IGF2R: variants seen among roughly 807,000 people sequenced by gnomAD.
IGF2R encodes the protein insulin like growth factor 2 receptor, also known as cation-independent mannose-6-phosphate receptor.
A neutral mutation model predicts 270.6 loss-of-function variants in IGF2R; 91 were observed. The observed-to-expected ratio is 0.34, with a 90% CI of 0.28 to 0.40. IGF2R has a LOEUF of 0.40. Among genes scored for constraint, IGF2R ranks in the 10% least tolerant of loss-of-function variants. IGF2R has a pLI of 1.00. For synonymous variants in IGF2R, 1,316 were observed against 1,258.9 expected (o/e 1.05, Z -0.96); for missense variants, 2,805 against 3,188.3 (o/e 0.88, Z 2.90).
rs17847667 is a variant in IGF2R at position 160,104,509 on chromosome 6, C to G, written c.7066-165C>G. Among the ~76,000 whole-genome samples, 7 of 152,130 alleles carry G rather than the reference C, an allele frequency of 4.6e-5. No homozygotes were observed. In the East Asian group the frequency reaches 1.4e-3, roughly 29 times the overall value. ...TAGGAACAGGAAGGTGTTGCCAGCC[C>G]TCGTCTTCCTTTCCCTGGGAACTGG... On this transcript the variant is annotated intron_variant, in intron 47 of 47. Transcript: ENST00000356956.
chr6:159,997,906 G>A (rs1562337121), intron 2 of IGF2R, among the ~76,000 whole-genome samples: 1 of 152,228 alleles, frequency 6.6e-6, no homozygotes, highest in Non-Finnish European at 1.5e-5. Flanking sequence ...AGATAAGGGA[G>A]TGCGAGGTCT....
intron 18 of IGF2R, among the ~76,000 whole-genome samples, chr6:160,049,652 T>C (rs901325911): frequency 1.3e-5 from 2 of 152,216 alleles, no homozygotes; most frequent in Non-Finnish European, 2.9e-5. Flanking sequence ...TAAAGCCTTT[T>C]CAAACATGAC....
In IGF2R at chr6:160,107,452, A is replaced by G. The variant is rs1245826696; in HGVS notation, c.*2368A>G. On this transcript the variant is annotated 3_prime_UTR_variant, in exon 48 of 48. Transcript: ENST00000356956. Reference sequence around the variant, plus strand: ...CTTAGAAACCCAAGCCTCTGAAAAAAGAGTAACTACTTGCCAGCTGTTGTT... The same window carrying G: ...CTTAGAAACCCAAGCCTCTGAAAAAGGAGTAACTACTTGCCAGCTGTTGTT... 6.6e-6 allele frequency: 1 copy of G among 152,274 alleles called. No individual in the cohort carries two copies. The highest frequency in any genetic ancestry group is 1.9e-4 in the East Asian group (1 of 5,206). 9.4% of individuals were successfully genotyped at this position (152,274 alleles called of 1,614,324 possible). A position where few individuals can be genotyped will look rare whatever the true frequency, so the allele number is the denominator to read the frequency against.
rs373123907 is a variant in IGF2R at position 160,104,844 on chromosome 6, G to A, written c.7236G>A (p.Glu2412=). Residue 2412 remains glutamate (E), a synonymous_variant, in exon 48 of 48, where the codon GAG becomes GAA. Coordinates refer to ENST00000356956, the MANE Select transcript of IGF2R (RefSeq NM_000876.4). ...GGGATGACCAGGACAGTGAGGATGA[G>A]GTTCTGACCATCCCAGAGGTGAAAG... The part of the protein sequence containing the change: ...LHGDDQDSED[E]VLTIPEVKVH... 9.9e-5 allele frequency: 159 copies of A among 1,614,130 alleles called. 3 individuals are homozygous for A. Among genetic ancestry groups the A allele is most frequent in the South Asian group, 4.4e-4 (40 of 91,090 alleles).
chr6:159,990,906 A>G (rs1583245637), intron 1 of IGF2R, among the ~76,000 whole-genome samples: 1 of 152,130 alleles, frequency 6.6e-6, no homozygotes, highest in Non-Finnish European at 1.5e-5. Flanking sequence ...GGGATTACAG[A>G]CGTGAGCCAC....
intron 44 of IGF2R, 194 bp from the exon 45 acceptor site, chr6:160,096,241 GCTGA>G (rs1465015671): frequency 4.3e-6 from 2 of 470,148 alleles, no homozygotes; most frequent in African/African-American, 4.0e-5. Flanking sequence ...TTTACTGCAT[GCTGA>G]CTAAGGGCAG....
intron 1 of IGF2R, among the ~76,000 whole-genome samples, chr6:159,981,591 G>A (rs937387839): frequency 1.3e-5 from 2 of 152,204 alleles, no homozygotes; most frequent in Non-Finnish European, 2.9e-5. Flanking sequence ...CGATAGCTCT[G>A]TGTTCCTGGT....
At chr6:160,035,927 C>T (rs1393575387) in intron 10 of IGF2R, among the ~76,000 whole-genome samples, 1 of 152,086 alleles carries the variant, frequency 6.6e-6, no homozygotes, top group Non-Finnish European at 1.5e-5. Flanking sequence ...CTGCCTGAGC[C>T]ACACTACATT....
chr6:159,986,510 C>G (rs1783890024), intron 1 of IGF2R, among the ~76,000 whole-genome samples: 2 of 151,228 alleles, frequency 1.3e-5, no homozygotes, highest in Admixed American at 1.3e-4. Flanking sequence ...TCAAGTGATC[C>G]TCCCACCTTG....
At position 160,058,931 on chromosome 6, in the gene IGF2R, T is replaced by C; in HGVS notation, c.2924T>C (p.Val975Ala). The C allele has an allele frequency of 1.2e-6, 2 of 1,614,218 alleles. No individual in the cohort carries two copies. Among genetic ancestry groups the C allele is most frequent in the South Asian group, 2.2e-5 (2 of 91,086 alleles). The change falls in exon 22 of 48, where the codon GTC (valine) becomes GCC (alanine). Residue 975 changes from valine to alanine, a missense_variant. Transcript: ENST00000356956. Reference sequence around the variant, plus strand: ...TTTAATGTCTGCGGCACAATGCCTGTCTGTGGGACCATCCTGGGAAAACCT... The same window carrying C: ...TTTAATGTCTGCGGCACAATGCCTGCCTGTGGGACCATCCTGGGAAAACCT... ...FMFNVCGTMPVCGTILGKPAS... is the reference protein window; with the variant it reads ...FMFNVCGTMPACGTILGKPAS...
At position 160,064,843 on chromosome 6, in the gene IGF2R, T is replaced by C; in HGVS notation, c.4057T>C (p.Phe1353Leu). 6.2e-7 allele frequency: 1 copy of C among 1,613,926 alleles called. No homozygotes were observed. The highest frequency in any genetic ancestry group is 8.5e-7 in the Non-Finnish European group (1 of 1,179,730). Residue 1353 changes from phenylalanine to leucine, a missense_variant, in exon 29 of 48, where the codon TTT becomes CTT. Phe to Leu is a conservative substitution (Grantham distance 22). This residue lies in a region of IGF2R where 1,851 missense variants were observed against 2,207.2 expected (regional missense o/e 0.84). Coordinates refer to ENST00000356956, the MANE Select transcript of IGF2R (RefSeq NM_000876.4). ...LKETSDCSYL[F>L]EWRTQYACPP... ...GGAGACTTCAGATTGTTCCTACTTG[T>C]TTGAGTGGCGAACGCAGTATGCCTG...
At chr6:159,983,163 T>TGTCG (rs1300177689) in intron 1 of IGF2R, among the ~76,000 whole-genome samples, 1 of 152,232 alleles carries the variant, frequency 6.6e-6, no homozygotes, top group Non-Finnish European at 1.5e-5. Context: ...TAGGCAGCTG[T>TGTCG]GTCGGCCTGG....
chr6:160,027,128 A>G (rs1777578016), intron 5 of IGF2R, 57 bp from the exon 6 acceptor site: 3 of 1,588,054 alleles, frequency 1.9e-6, no homozygotes, highest in Non-Finnish European at 2.6e-6. Flanking sequence ...GTCTAAGGGT[A>G]CGTGTGATTA....
rs200705882 is a variant in IGF2R at position 160,056,071 on chromosome 6, A to C, written c.2695-353A>C. On this transcript the variant is annotated intron_variant, in intron 19 of 47. Coordinates refer to ENST00000356956, the MANE Select transcript of IGF2R (RefSeq NM_000876.4). The stretch of plus-strand genomic sequence containing the variant: ...CCCAATCCTGAGCTGATGTCAGTGA[A>C]TCCTACGTACCGTTGCCTTTGTGTA... 7.2e-5 allele frequency among the ~76,000 whole-genome samples: 11 copies of C among 152,252 alleles called. No homozygotes were observed. The East Asian group carries it at 1.2e-3, about 16-fold the overall frequency.
rs185446656 is a variant in IGF2R at position 160,001,212 on chromosome 6, G to A, written c.290-7798G>A. Reference sequence around the variant, plus strand: ...CCCCATTGCTTGCACTACTGCCTGAGCTCTGCATCCTGTTAGATAAGTGGC... The same window carrying A: ...CCCCATTGCTTGCACTACTGCCTGAACTCTGCATCCTGTTAGATAAGTGGC... On this transcript the variant is annotated intron_variant, in intron 2 of 47. Transcript: ENST00000356956. Among the ~76,000 whole-genome samples, 81 of 152,248 alleles carry A rather than the reference G, an allele frequency of 5.3e-4. 1 individual carries two copies. The highest frequency in any genetic ancestry group is 1.6e-4 in the Non-Finnish European group (11 of 68,038).
rs1583259050 is a variant in IGF2R, at chr6:160,012,468, G to A, written c.513+1683G>A. ...AAGCCTCAGGAAACTTACAGTCATG[G>A]CAGAAGGCAACAGAGTATCGAGCAC... On this transcript the variant is annotated intron_variant, in intron 4 of 47. Transcript: ENST00000356956. Among the ~76,000 whole-genome samples, 7 of 152,116 alleles carry A rather than the reference G, an allele frequency of 4.6e-5. No homozygotes were observed. The South Asian group carries it at 1.5e-3, about 32-fold the overall frequency.
chr6:160,046,486 AT>A lies in IGF2R; in HGVS notation c.1904-10del. 1 of 1,599,116 alleles carries A rather than the reference AT, an allele frequency of 6.3e-7. No homozygotes were observed. The highest frequency in any genetic ancestry group is 8.5e-7 in the Non-Finnish European group (1 of 1,176,144). On this transcript the variant is annotated splice_polypyrimidine_tract_variant and intron_variant, in intron 14 of 47. Coordinates refer to ENST00000356956, the MANE Select transcript of IGF2R (RefSeq NM_000876.4). ...GACCTTCCATACTTTTATTGTTTTT[AT>A]TCTTTCTTAGGGTTTTCTTTTGACT...
rs544994688 is a variant in IGF2R, at chr6:160,001,498, G to A, written c.290-7512G>A. On this transcript the variant is annotated intron_variant, in intron 2 of 47. Coordinates refer to ENST00000356956, the MANE Select transcript of IGF2R (RefSeq NM_000876.4). ...AGGGTACAATAAATGTAATATGCTTGAATCATCCCGAAACCATCCCACCCC... is the reference window on the plus strand; with the variant it reads ...AGGGTACAATAAATGTAATATGCTTAAATCATCCCGAAACCATCCCACCCC... Among the ~76,000 whole-genome samples, 3 of 152,214 alleles carry A rather than the reference G, an allele frequency of 2.0e-5. No homozygotes were observed. The South Asian group carries it at 6.2e-4, about 32-fold the overall frequency.
chr6:159,980,444 G>A (rs1340850271), intron 1 of IGF2R, among the ~76,000 whole-genome samples: 2 of 152,188 alleles, frequency 1.3e-5, no homozygotes, highest in African/African-American at 4.8e-5. Flanking sequence ...ACAAGGTCAC[G>A]GACCTCACTG....
Sources: gnomAD v4.1 joint callset for allele counts (sites outside exome capture counted in the v4.1 genomes callset) on GRCh38, gnomAD v4.1.1 for gene constraint, gnomAD v4.1.1 regional missense constraint, MANE v1.5 for transcripts, NCBI Gene and HGNC (gene_info 2026-07-23, HGNC 2026-07-21) for gene names.